DNAH17: variants seen among roughly 807,000 people sequenced by gnomAD.
The protein encoded by DNAH17 is dynein axonemal heavy chain 17, also known as axonemal beta dynein heavy chain 17.
DNAH17 carries 376 observed loss-of-function variants against 485.6 expected under a neutral mutation model. The observed-to-expected ratio is 0.77, with a 90% confidence interval of 0.71 to 0.84. The LOEUF (loss-of-function observed/expected upper bound fraction) is 0.84, where lower values mean the gene tolerates loss of function less well. DNAH17 is among the 40% of genes least tolerant of loss of function. DNAH17 has a pLI of 0.00. For synonymous variants in DNAH17, 3,031 were observed against 2,405.9 expected (o/e 1.26, Z -7.60); for missense variants, 6,370 against 5,839.3 (o/e 1.09, Z -2.96).
intron 13 of DNAH17, among the ~76,000 whole-genome samples, chr17:78,558,633 TATC>T (rs1483301892): frequency 3.2e-4 from 49 of 152,244 alleles, no homozygotes; most frequent in Admixed American, 5.9e-4. Context: ...AGGTGGATGA[TATC>T]ATCATCACCA....
rs1045032370 is a variant in DNAH17, at chr17:78,445,436, G to A, written c.11334+122C>T. 1.9e-5 allele frequency: 26 copies of A among 1,385,220 alleles called. No individual in the cohort carries two copies. In the African/African-American group the frequency reaches 3.2e-4, roughly 17 times the overall value. The allele number at this position is 1,385,220 out of a possible 1,614,324, so 85.8% of individuals were successfully genotyped here. On this transcript the variant is annotated intron_variant, in intron 70 of 80. Transcript: ENST00000389840. Reference sequence around the variant, plus strand: ...CCATCCCTATGTGCGGGGCCTCCTTGCTTTACTGAATTTATGGGCCACAGA... The same window carrying A: ...CCATCCCTATGTGCGGGGCCTCCTTACTTTACTGAATTTATGGGCCACAGA...
intron 75 of DNAH17, among the ~76,000 whole-genome samples, chr17:78,430,953 T>C (rs942854479): frequency 3.9e-5 from 6 of 152,104 alleles, no homozygotes; most frequent in African/African-American, 1.2e-4. Context: ...CAAACATGGC[T>C]CACTGCAGCC....
intron 15 of DNAH17, 53 bp from the exon 16 acceptor site, chr17:78,551,691 C>T (rs536301174): frequency 2.2e-5 from 34 of 1,575,556 alleles, no homozygotes; most frequent in Non-Finnish European, 2.7e-5. Flanking sequence ...AGGCTGGGCG[C>T]GGTGGCTCAA....
At chr17:78,526,549 G>A (rs569686308) in intron 24 of DNAH17, 102 bp downstream of exon 24, 55 of 1,016,752 alleles carry the variant, frequency 5.4e-5, no homozygotes, top group Middle Eastern at 2.3e-4. Flanking sequence ...AGGTCAGTCC[G>A]GCGGAGACCA....
At chr17:78,511,443 CCTTT>C (rs777238375) in intron 26 of DNAH17, among the ~76,000 whole-genome samples, 134 of 152,294 alleles carry the variant, frequency 8.8e-4, no homozygotes, top group South Asian at 1.7e-3. Flanking sequence ...GGTTTGTGGT[CCTTT>C]GTCATGGCAG....
At chr17:78,485,786 C>G (rs2089579796) in intron 46 of DNAH17, 29 bp from the exon 47 acceptor site, 9 of 1,600,058 alleles carry the variant, frequency 5.6e-6, no homozygotes, top group Non-Finnish European at 7.7e-6. Context: ...GGGGAGGGAG[C>G]TGTGATTCTC....
intron 52 of DNAH17, 22 bp from the exon 53 acceptor site, chr17:78,475,855 C>A (rs776755592): frequency 1.2e-6 from 2 of 1,605,010 alleles, no homozygotes; most frequent in Non-Finnish European, 1.7e-6. Context: ...AAAAAAAAGA[C>A]GATACTTCCG....
At chr17:78,514,735 C>T in intron 26 of DNAH17, 39 bp downstream of exon 26, 1 of 1,601,538 alleles carries the variant, frequency 6.2e-7, no homozygotes, top group Non-Finnish European at 8.5e-7. Context: ...GAGCTGGCCG[C>T]CAGGGGCGGT....
At chr17:78,546,736 T>A (rs2091773512) in intron 16 of DNAH17, among the ~76,000 whole-genome samples, 1 of 152,110 alleles carries the variant, frequency 6.6e-6, no homozygotes, top group Admixed American at 6.6e-5. Context: ...TGAAACCCCA[T>A]CTCTACTAAA....
At chr17:78,430,746 A>G (rs555688493) in intron 75 of DNAH17, among the ~76,000 whole-genome samples, 4 of 151,902 alleles carry the variant, frequency 2.6e-5, no homozygotes. Flanking sequence ...ATAGCCAGCT[A>G]ATATTTTGGA....
chr17:78,467,586 G>A (rs372262055), intron 55 of DNAH17, among the ~76,000 whole-genome samples: 4 of 152,192 alleles, frequency 2.6e-5, no homozygotes, highest in African/African-American at 4.8e-5. Context: ...TTTGAGTCAA[G>A]CAGGGGAAAA....
In DNAH17 at chr17:78,465,308, G is replaced by A. The variant is rs1364142967; in HGVS notation, c.8940+1347C>T. The stretch of plus-strand genomic sequence containing the variant: ...CCTCCACCTCCCAGCTGCCTGCCTT[G>A]GCCTCCCAAGGTGCCGAGATTGCAG... On this transcript the variant is annotated intron_variant, in intron 56 of 80. Transcript: ENST00000389840. 4.0e-5 allele frequency among the ~76,000 whole-genome samples: 6 copies of A among 151,798 alleles called. No individual in the cohort carries two copies. In the East Asian group the frequency reaches 1.2e-3, roughly 30 times the overall value.
intron 17 of DNAH17, among the ~76,000 whole-genome samples, chr17:78,542,229 C>T (rs1010660516): frequency 6.6e-6 from 1 of 151,666 alleles, no homozygotes; most frequent in African/African-American, 2.4e-5. Flanking sequence ...TTCACTGCAA[C>T]CTCCGCCTCC....
intron 25 of DNAH17, among the ~76,000 whole-genome samples, chr17:78,516,382 C>T (rs115130934): frequency 2.7e-3 from 404 of 152,228 alleles, no homozygotes; most frequent in African/African-American, 9.6e-3. Context: ...TTCTGTAATG[C>T]CACTCATGTA....
intron 37 of DNAH17, 119 bp from the exon 38 acceptor site, chr17:78,496,151 C>A: frequency 9.0e-7 from 1 of 1,116,364 alleles, no homozygotes; most frequent in Non-Finnish European, 1.2e-6. Context: ...ATTCAAACCT[C>A]CTAGTTTATT....
At chr17:78,575,983 G>A (rs2092427780) in intron 1 of DNAH17, among the ~76,000 whole-genome samples, 2 of 152,208 alleles carry the variant, frequency 1.3e-5, no homozygotes, top group African/African-American at 4.8e-5. Flanking sequence ...GAATGCAAAG[G>A]GTCGCCTGAT....
At chr17:78,466,370 C>G (rs1219256254) in intron 56 of DNAH17, among the ~76,000 whole-genome samples, 1 of 152,148 alleles carries the variant, frequency 6.6e-6, no homozygotes, top group South Asian at 2.1e-4. Context: ...TGCTGACCTT[C>G]CCTCCACTAT....
At chr17:78,488,958 G>A (rs911308090) in intron 44 of DNAH17, among the ~76,000 whole-genome samples, 21 of 152,090 alleles carry the variant, frequency 1.4e-4, no homozygotes, top group African/African-American at 4.8e-4. Flanking sequence ...AACCAGCACT[G>A]CCTACTCCTT....
At chr17:78,492,375 T>C (rs1285634458) in intron 42 of DNAH17, among the ~76,000 whole-genome samples, 2 of 152,118 alleles carry the variant, frequency 1.3e-5, no homozygotes, top group Non-Finnish European at 2.9e-5. Context: ...CCTCTCCCCT[T>C]GGCCTGCTCG....
Sources: gnomAD v4.1 joint callset for allele counts (sites outside exome capture counted in the v4.1 genomes callset) on GRCh38, gnomAD v4.1.1 for gene constraint, MANE v1.5 for transcripts, NCBI Gene and HGNC (gene_info 2026-07-23, HGNC 2026-07-21) for gene names.